ATG5: variants seen among roughly 807,000 people sequenced by gnomAD.
ATG5 encodes autophagy related 5.
Under a neutral mutation model 36.5 loss-of-function variants are expected in ATG5, and 14 were observed. That is an observed-to-expected ratio of 0.38 (90% CI 0.25 to 0.60). The LOEUF is 0.60. ATG5 is among the 20% of genes least tolerant of loss of function. The pLI is 0.60. For missense variants in ATG5, 195 were observed against 326.7 expected (o/e 0.60, Z 3.11); for synonymous variants, 95 against 101.5 (o/e 0.94, Z 0.38).
chr6:106,207,738 T>G (rs1193264077), intron 6 of ATG5, among the ~76,000 whole-genome samples: 16 of 152,140 alleles, frequency 1.1e-4, no homozygotes, highest in Non-Finnish European at 2.4e-4. Flanking sequence ...AAATCAGGTT[T>G]GAGTCCTATG....
intron 6 of ATG5, among the ~76,000 whole-genome samples, chr6:106,205,649 C>T (rs1776602406): frequency 6.6e-6 from 1 of 152,110 alleles, no homozygotes; most frequent in East Asian, 1.9e-4. Context: ...CTTCTCTAAC[C>T]TCACTATTGG....
At chr6:106,316,392 A>T (rs1342221937) in intron 1 of ATG5, 126 bp from the exon 2 acceptor site, 9 of 454,686 alleles carry the variant, frequency 2.0e-5, no homozygotes. Flanking sequence ...AAAAACGATG[A>T]TCACCAATCT....
chr6:106,210,312 A>G (rs967704029), intron 6 of ATG5, among the ~76,000 whole-genome samples: 6 of 152,224 alleles, frequency 3.9e-5, no homozygotes, highest in Non-Finnish European at 8.8e-5. Flanking sequence ...AGATCTTTAA[A>G]AGGCAGATAA....
chr6:106,191,466 C>A (rs546859658), intron 7 of ATG5, among the ~76,000 whole-genome samples: 1 of 152,072 alleles, frequency 6.6e-6, no homozygotes, highest in South Asian at 2.1e-4. Flanking sequence ...GGGTCTTTTA[C>A]GTCTAAACAG....
intron 5 of ATG5, among the ~76,000 whole-genome samples, chr6:106,265,216 A>G (rs1374902271): frequency 1.3e-5 from 2 of 152,046 alleles, no homozygotes; most frequent in Non-Finnish European, 2.9e-5. Flanking sequence ...GTCCCTGATA[A>G]AACAGACTTT....
intron 6 of ATG5, among the ~76,000 whole-genome samples, chr6:106,206,872 C>T (rs940444418): frequency 6.6e-6 from 1 of 152,092 alleles, no homozygotes; most frequent in African/African-American, 2.4e-5. Context: ...CTAAATTATA[C>T]TGAGAAATAT....
chr6:106,321,720 G>A (rs759629197), intron 1 of ATG5, among the ~76,000 whole-genome samples: 41 of 152,230 alleles, frequency 2.7e-4, no homozygotes, highest in Admixed American at 4.6e-4. Context: ...CCCCTATGCA[G>A]CCTCTAGTCT....
chr6:106,189,646 TAAAA>T (rs10688186), intron 7 of ATG5, among the ~76,000 whole-genome samples: 1 of 143,364 alleles, frequency 7.0e-6, no homozygotes, highest in Non-Finnish European at 1.5e-5. Flanking sequence ...AATAAAACAG[TAAAA>T]AAAAAAAAAA....
chr6:106,283,978 C>T (rs1261183669), intron 4 of ATG5, among the ~76,000 whole-genome samples: 2 of 152,100 alleles, frequency 1.3e-5, no homozygotes, highest in African/African-American at 2.4e-5. Context: ...ATGGTATTTT[C>T]AAGGTTGTAG....
intron 1 of ATG5, among the ~76,000 whole-genome samples, chr6:106,318,507 C>T (rs530400858): frequency 3.9e-5 from 6 of 152,306 alleles, no homozygotes; most frequent in African/African-American, 9.6e-5. Context: ...TAAAGTCTTA[C>T]GTTCCAGCAA....
chr6:106,253,375 C>G (rs1195280785), intron 5 of ATG5, among the ~76,000 whole-genome samples: 2 of 152,136 alleles, frequency 1.3e-5, no homozygotes, highest in African/African-American at 4.8e-5. Context: ...TCCATAAACA[C>G]ACATCTTGGC....
intron 4 of ATG5, 104 bp downstream of exon 4, chr6:106,292,924 C>A: frequency 1.1e-6 from 1 of 875,734 alleles, no homozygotes; most frequent in Non-Finnish European, 1.8e-6. Flanking sequence ...AAAACAGTGT[C>A]AGGGGAAAAG....
chr6:106,268,233 A>T (rs1450482371), intron 5 of ATG5, among the ~76,000 whole-genome samples: 1 of 152,246 alleles, frequency 6.6e-6, no homozygotes, highest in African/African-American at 2.4e-5. Flanking sequence ...ATGAGCAGGC[A>T]CTTCTCAAAA....
intron 5 of ATG5, among the ~76,000 whole-genome samples, chr6:106,256,509 T>C (rs1778804993): frequency 6.6e-6 from 1 of 152,178 alleles, no homozygotes; most frequent in South Asian, 2.1e-4. Flanking sequence ...AAAAACATAG[T>C]CATGCTTCAT....
At chr6:106,308,865 TAAG>T (rs1770544848) in intron 2 of ATG5, among the ~76,000 whole-genome samples, 1 of 152,186 alleles carries the variant, frequency 6.6e-6, no homozygotes, top group Non-Finnish European at 1.5e-5. Flanking sequence ...TAAACTGTTC[TAAG>T]AAGATAATCA....
At chr6:106,246,430 A>ACACACC (rs1475760754) in intron 6 of ATG5, among the ~76,000 whole-genome samples, 79 of 130,658 alleles carry the variant, frequency 6.0e-4, no homozygotes, top group African/African-American at 2.1e-3. Context: ...ACACACACAC[A>ACACACC]CCCTTTCTCT....
intron 6 of ATG5, among the ~76,000 whole-genome samples, chr6:106,240,754 T>C (rs947516958): frequency 2.6e-5 from 4 of 152,162 alleles, no homozygotes; most frequent in African/African-American, 9.7e-5. Flanking sequence ...ATGCTTACTG[T>C]AGTACTGTTT....
intron 7 of ATG5, among the ~76,000 whole-genome samples, chr6:106,188,506 A>C (rs1365479815): frequency 6.6e-6 from 1 of 152,218 alleles, no homozygotes; most frequent in Non-Finnish European, 1.5e-5. Flanking sequence ...AAAGTACTGT[A>C]TCTAAAGCAA....
At chr6:106,248,327 T>C (rs1778431263) in intron 5 of ATG5, 83 bp from the exon 6 acceptor site, 1 of 979,700 alleles carries the variant, frequency 1.0e-6, no homozygotes, top group Non-Finnish European at 1.6e-6. Context: ...AAGTTTTAAA[T>C]ATCCCTCTAG....
Sources: gnomAD v4.1 joint callset for allele counts (sites outside exome capture counted in the v4.1 genomes callset) on GRCh38, gnomAD v4.1.1 for gene constraint, MANE v1.5 for transcripts, NCBI Gene and HGNC (gene_info 2026-07-23, HGNC 2026-07-21) for gene names.